TLN2: variants seen among roughly 807,000 people sequenced by gnomAD.
The protein encoded by TLN2 is talin-2.
Under a neutral mutation model 294.7 loss-of-function variants are expected in TLN2, and 118 were observed. That is an observed-to-expected ratio of 0.40 (90% CI 0.34 to 0.47). TLN2 has a LOEUF of 0.47. Among genes scored for constraint, TLN2 ranks in the 20% least tolerant of loss-of-function variants. The probability of loss-of-function intolerance (pLI) is 0.84; values close to 1 mark genes in which losing one functional copy is unlikely to be tolerated. For missense variants in TLN2, 3,083 were observed against 3,282.2 expected (o/e 0.94, Z 1.48); for synonymous variants, 1,431 against 1,304.5 (o/e 1.10, Z -2.09).
At chr15:62,767,319 T>TTTTTC (rs59674357) in intron 41 of TLN2, among the ~76,000 whole-genome samples, 2 of 148,964 alleles carry the variant, frequency 1.3e-5, no homozygotes, top group Non-Finnish European at 3.0e-5. Context: ...ATTTCATTTC[T>TTTTTC]TTTTCTTTTC....
At chr15:62,724,004 C>T (rs1470219508) in intron 26 of TLN2, among the ~76,000 whole-genome samples, 1 of 151,994 alleles carries the variant, frequency 6.6e-6, no homozygotes, top group East Asian at 1.9e-4. Context: ...CAAAAATTAG[C>T]CAGGTTGGTG....
chr15:62,741,767 G>GTGTGTGTGTGTGTC (rs1353440110), intron 32 of TLN2, among the ~76,000 whole-genome samples: 2 of 151,560 alleles, frequency 1.3e-5, no homozygotes, highest in Admixed American at 6.6e-5. Flanking sequence ...GTGTGTGTGT[G>GTGTGTGTGTGTGTC]TCTTTATGTC....
intron 19 of TLN2, among the ~76,000 whole-genome samples, chr15:62,703,795 G>A (rs2058884253): frequency 1.3e-5 from 2 of 152,110 alleles, no homozygotes; most frequent in Non-Finnish European, 2.9e-5. Context: ...CCTCTGGGGA[G>A]CGACTGTCAC....
chr15:62,467,512 G>T (rs765160486), intron 1 of TLN2, among the ~76,000 whole-genome samples: 2 of 152,016 alleles, frequency 1.3e-5, no homozygotes, highest in Non-Finnish European at 2.9e-5. Flanking sequence ...GGCCAACATG[G>T]CAAAACCTCG....
chr15:62,661,220 A>C (rs1362864366), intron 9 of TLN2, among the ~76,000 whole-genome samples: 1 of 152,148 alleles, frequency 6.6e-6, no homozygotes, highest in Non-Finnish European at 1.5e-5. Flanking sequence ...CTCTTAAATC[A>C]AGTATACATG....
At chr15:62,588,160 G>A (rs557992282) in intron 1 of TLN2, among the ~76,000 whole-genome samples, 4 of 152,198 alleles carry the variant, frequency 2.6e-5, no homozygotes, top group East Asian at 1.9e-4. Context: ...GATTACAGGC[G>A]TGAGCCACCG....
Position 62,830,141 on chromosome 15 carries a change from C to T in TLN2, c.7003-3363C>T, listed in dbSNP as rs2068651835. 3 of 152,090 alleles carry T rather than the reference C, an allele frequency of 2.0e-5. No homozygotes were observed. In the South Asian group the frequency reaches 6.2e-4, roughly 32 times the overall value. 9.4% of individuals were successfully genotyped at this position (152,090 alleles called of 1,614,324 possible). The stretch of plus-strand genomic sequence containing the variant: ...TATTTTAGCGGGTCTTTACATGATC[C>T]AATTGTGGAAAGAATGAAACACCCA... On this transcript the variant is annotated intron_variant, in intron 54 of 58. Transcript: ENST00000636159.
At chr15:62,793,208 A>C (rs959636171) in intron 46 of TLN2, among the ~76,000 whole-genome samples, 1 of 152,212 alleles carries the variant, frequency 6.6e-6, no homozygotes, top group Non-Finnish European at 1.5e-5. Context: ...GGAGGAGTGA[A>C]AATCCCTTTG....
At chr15:62,697,340 T>C (rs2058415793) in intron 14 of TLN2, among the ~76,000 whole-genome samples, 1 of 152,114 alleles carries the variant, frequency 6.6e-6, no homozygotes, top group Non-Finnish European at 1.5e-5. Context: ...AACTCCTAAC[T>C]TCAAGGAATC....
At chr15:62,802,177 A>G (rs2065972448) in intron 50 of TLN2, among the ~76,000 whole-genome samples, 2 of 150,452 alleles carry the variant, frequency 1.3e-5, no homozygotes, top group Admixed American at 6.6e-5. Flanking sequence ...GAGTTCAATT[A>G]TTTTAATTTT....
chr15:62,599,517 A>G (rs944893158), intron 2 of TLN2, among the ~76,000 whole-genome samples: 11 of 152,232 alleles, frequency 7.2e-5, no homozygotes, highest in Non-Finnish European at 1.5e-4. Context: ...AAAACTGGAT[A>G]CAAATGATTT....
At chr15:62,669,356 G>A (rs576461186) in intron 9 of TLN2, among the ~76,000 whole-genome samples, 1 of 152,320 alleles carries the variant, frequency 6.6e-6, no homozygotes, top group South Asian at 2.1e-4. Context: ...GGGTTTGTGA[G>A]AGAGGAGTCT....
chr15:62,557,441 T>C (rs2042670238), intron 1 of TLN2, among the ~76,000 whole-genome samples: 1 of 152,244 alleles, frequency 6.6e-6, no homozygotes, highest in African/African-American at 2.4e-5. Context: ...TGCAGGACTC[T>C]GGCACTTTTA....
rs563814277 is a variant in TLN2 at position 62,650,331 on chromosome 15, A to G, written c.234+150A>G. 4 of 691,188 alleles carry G rather than the reference A, an allele frequency of 5.8e-6. No individual in the cohort carries two copies. The South Asian group carries it at 9.2e-5, about 16-fold the overall frequency. 42.8% of individuals were successfully genotyped at this position (691,188 alleles called of 1,614,324 possible). A position where few individuals can be genotyped will look rare whatever the true frequency, so the allele number is the denominator to read the frequency against. On this transcript the variant is annotated intron_variant, in intron 5 of 58. Transcript: ENST00000636159. ...TTGTAAGGGCTGTTCAGGTGGTGAT[A>G]GAAAATGTCAGATATCCAAATTCTT...
At chr15:62,528,410 G>A (rs1023123963) in intron 1 of TLN2, among the ~76,000 whole-genome samples, 4 of 152,152 alleles carry the variant, frequency 2.6e-5, no homozygotes, top group Admixed American at 2.6e-4. Context: ...GACGGAGTAG[G>A]TTAACAAACT....
intron 11 of TLN2, among the ~76,000 whole-genome samples, chr15:62,683,718 G>A (rs1032048816): frequency 1.5e-4 from 23 of 152,150 alleles, no homozygotes; most frequent in African/African-American, 5.1e-4. Flanking sequence ...TGTGTGTGTT[G>A]GTATATGAGA....
chr15:62,518,798 G>A (rs1347633132), intron 1 of TLN2, among the ~76,000 whole-genome samples: 1 of 128,864 alleles, frequency 7.8e-6, no homozygotes, highest in African/African-American at 2.7e-5. Context: ...GAGTTTCACC[G>A]TGTTGGCCTG....
Position 62,800,368 on chromosome 15 carries a change from G to C in TLN2, c.6235G>C (p.Val2079Leu). 1 of 1,613,602 alleles carries C rather than the reference G, an allele frequency of 6.2e-7. No homozygotes were observed. Among genetic ancestry groups the C allele is most frequent in the East Asian group, 2.2e-5 (1 of 44,864 alleles). The stretch of plus-strand genomic sequence containing the variant: ...ACCTGAGTTCTGTGCTCTCTTTCAG[G>C]TGGTTTTGATCAATGCCATCAAAGA... ...SLGSDDPETQVVLINAIKDVA... is the reference protein window; with the variant it reads ...SLGSDDPETQLVLINAIKDVA... Residue 2079 changes from valine (V) to leucine (L), a missense_variant and splice_region_variant, in exon 49 of 59, where the codon GTG becomes CTG. Coordinates refer to ENST00000636159, the MANE Select transcript of TLN2 (RefSeq NM_015059.3).
At chr15:62,711,359 A>G (rs1382968249) in intron 21 of TLN2, among the ~76,000 whole-genome samples, 1 of 152,232 alleles carries the variant, frequency 6.6e-6, no homozygotes, top group East Asian at 1.9e-4. Context: ...TGGCAGAGAA[A>G]ACTCCAGGCC....
Sources: allele counts gnomAD v4.1 joint callset (sites outside exome capture counted in the v4.1 genomes callset), GRCh38; gene constraint gnomAD v4.1.1; transcripts MANE v1.5; gene names NCBI Gene and HGNC (gene_info 2026-07-23, HGNC 2026-07-21).